Variants in PEX5L observed in about 807,000 individuals in gnomAD.
PEX5L encodes the protein peroxisomal biogenesis factor 5 like.
A neutral mutation model predicts 84.0 loss-of-function variants in PEX5L; 30 were observed. The observed-to-expected ratio is 0.36, with a 90% confidence interval of 0.27 to 0.48. The LOEUF (loss-of-function observed/expected upper bound fraction) is 0.48. PEX5L is among the 20% of genes least tolerant of loss of function. PEX5L has a pLI of 0.99. For synonymous variants in PEX5L, 270 were observed against 283.1 expected (o/e 0.95, Z 0.46); for missense variants, 533 against 754.6 (o/e 0.71, Z 3.44).
At chr3:180,014,401 G>T (rs911191993) in intron 1 of PEX5L, among the ~76,000 whole-genome samples, 11 of 152,038 alleles carry the variant, frequency 7.2e-5, no homozygotes, top group African/African-American at 2.4e-4. Context: ...GAACCCGGGA[G>T]GCGGAGCTTG....
chr3:179,903,097 A>C (rs950952473), intron 2 of PEX5L, among the ~76,000 whole-genome samples: 2 of 152,198 alleles, frequency 1.3e-5, no homozygotes, highest in Admixed American at 1.3e-4. Flanking sequence ...CAATTAAACA[A>C]TTTTTTAGGC....
chr3:179,812,147 T>A (rs973682563), intron 10 of PEX5L, among the ~76,000 whole-genome samples: 9 of 152,212 alleles, frequency 5.9e-5, no homozygotes, highest in Admixed American at 5.9e-4. Flanking sequence ...GAGATTTCGT[T>A]ATATTAGGTA....
Position 179,798,511 on chromosome 3 carries a change from C to T in PEX5L, c.*3317G>A, listed in dbSNP as rs1717898674. 1 of 152,188 alleles carries T rather than the reference C, an allele frequency of 6.6e-6. No homozygotes were observed. Among genetic ancestry groups the T allele is most frequent in the Admixed American group, 6.5e-5 (1 of 15,284 alleles). 9.4% of individuals were successfully genotyped at this position (152,188 alleles called of 1,614,324 possible). ...CTAGAAATGGTTATATTTTGAAACT[C>T]AGCAATAATCACTGGCTTTCTCTTT... On this transcript the variant is annotated 3_prime_UTR_variant, in exon 15 of 15. Transcript: ENST00000467460.
At chr3:179,881,940 A>G (rs1251894451) in intron 4 of PEX5L, among the ~76,000 whole-genome samples, 1 of 152,132 alleles carries the variant, frequency 6.6e-6, no homozygotes, top group East Asian at 1.9e-4. Context: ...AAGAAGTGAC[A>G]TTCAGAACTA....
At chr3:179,867,424 T>C (rs537179842) in intron 7 of PEX5L, among the ~76,000 whole-genome samples, 14 of 152,260 alleles carry the variant, frequency 9.2e-5, no homozygotes, top group African/African-American at 3.1e-4. Context: ...TTTCCTACTG[T>C]GCTGGAAGTG....
intron 2 of PEX5L, among the ~76,000 whole-genome samples, chr3:179,957,141 C>T (rs1395526391): frequency 1.6e-5 from 2 of 123,728 alleles, no homozygotes; most frequent in East Asian, 4.9e-4. Context: ...ATTGAATGCA[C>T]ACCGACTGCG....
At chr3:179,948,915 A>T (rs1239901677) in intron 2 of PEX5L, among the ~76,000 whole-genome samples, 1 of 152,248 alleles carries the variant, frequency 6.6e-6, no homozygotes, top group Non-Finnish European at 1.5e-5. Context: ...TTTAAACACA[A>T]GCAATCAGTA....
intron 8 of PEX5L, among the ~76,000 whole-genome samples, chr3:179,848,179 A>G (rs888756093): frequency 9.9e-5 from 15 of 152,166 alleles, no homozygotes; most frequent in African/African-American, 3.4e-4. Flanking sequence ...TGATTGATTT[A>G]TACAGTGCAG....
intron 2 of PEX5L, among the ~76,000 whole-genome samples, chr3:179,939,757 C>A (rs1381696043): frequency 1.3e-5 from 2 of 152,148 alleles, no homozygotes; most frequent in African/African-American, 4.8e-5. Context: ...CACTCAGGCC[C>A]CCCCACTGAG....
intron 7 of PEX5L, among the ~76,000 whole-genome samples, chr3:179,861,676 G>A (rs1746189889): frequency 6.6e-6 from 1 of 152,200 alleles, no homozygotes; most frequent in South Asian, 2.1e-4. Flanking sequence ...CCTGACACAG[G>A]GAGGGTGACC....
chr3:179,818,952 C>T (rs955994156), intron 9 of PEX5L, among the ~76,000 whole-genome samples: 2 of 151,630 alleles, frequency 1.3e-5, no homozygotes, highest in African/African-American at 4.8e-5. Flanking sequence ...AAGTGATCCT[C>T]CCACCTCAGC....
intron 3 of PEX5L, among the ~76,000 whole-genome samples, chr3:179,889,647 G>T (rs1443348187): frequency 6.6e-6 from 1 of 152,030 alleles, no homozygotes; most frequent in African/African-American, 2.4e-5. Context: ...GGCCTCTTTT[G>T]GTATTAATCT....
Position 180,013,825 on chromosome 3 carries a change from T to C in PEX5L, c.21+22754A>G, listed in dbSNP as rs569570464. 2.0e-5 allele frequency among the ~76,000 whole-genome samples: 3 copies of C among 152,236 alleles called. No individual in the cohort carries two copies. The East Asian group carries it at 5.8e-4, about 29-fold the overall frequency. ...GAAGAAAATAATAATGATTGTATTA[T>C]GACTGATTTTTAACTTTTTTCTACC... On this transcript the variant is annotated intron_variant, in intron 1 of 14. Coordinates refer to ENST00000467460, the MANE Select transcript of PEX5L (RefSeq NM_016559.3).
chr3:179,884,104 C>A (rs911406630), intron 4 of PEX5L, among the ~76,000 whole-genome samples: 1 of 152,086 alleles, frequency 6.6e-6, no homozygotes, highest in South Asian at 2.1e-4. Context: ...ATATGAGAAA[C>A]TTGAGGCTTG....
At chr3:179,970,849 G>A (rs778186179) in intron 2 of PEX5L, among the ~76,000 whole-genome samples, 5 of 151,938 alleles carry the variant, frequency 3.3e-5, no homozygotes, top group South Asian at 4.2e-4. Context: ...CTTTTGCGTC[G>A]CTCTCAGATG....
chr3:179,810,688 T>C (rs555131659), intron 11 of PEX5L, among the ~76,000 whole-genome samples: 1 of 152,268 alleles, frequency 6.6e-6, no homozygotes, highest in African/African-American at 2.4e-5. Context: ...CACTCTGTGG[T>C]GGGCCTAATC....
Position 179,880,013 on chromosome 3 carries a change from C to A in PEX5L, c.421G>T (p.Ala141Ser). Reference sequence around the variant, plus strand: ...GTGCTGATGAGGTCAGATCCATCGGCCTTTTTCTTGAGGGATGAGGTTTTT... The same window carrying A: ...GTGCTGATGAGGTCAGATCCATCGGACTTTTTCTTGAGGGATGAGGTTTTT... ...SSKTSSLKKK[A>S]DGSDLISTDA... is the part of the protein sequence containing the mutation. Residue 141 changes from alanine (A) to serine (S), a missense_variant, in exon 5 of 15, where the codon GCC (alanine) becomes TCC (serine). This residue lies in a region of PEX5L where 259 missense variants were observed against 301.7 expected (regional missense o/e 0.86). Coordinates refer to ENST00000467460, the MANE Select transcript of PEX5L (RefSeq NM_016559.3). 1 of 1,614,050 alleles carries A rather than the reference C, an allele frequency of 6.2e-7. No homozygotes were observed. The highest frequency in any genetic ancestry group is 1.1e-5 in the South Asian group (1 of 91,084).
At chr3:179,902,806 T>C (rs2109048384) in intron 2 of PEX5L, 1 of 377,084 alleles carries the variant, frequency 2.7e-6, no homozygotes, top group African/African-American at 2.1e-5. Flanking sequence ...TTTAAAACTC[T>C]CAACAATTAT....
intron 2 of PEX5L, among the ~76,000 whole-genome samples, chr3:179,961,595 G>A (rs999131300): frequency 1.3e-5 from 2 of 152,060 alleles, no homozygotes; most frequent in Non-Finnish European, 2.9e-5. Flanking sequence ...AGAGAAAAAG[G>A]GAACTTTACT....
Sources: allele counts gnomAD v4.1 joint callset (sites outside exome capture counted in the v4.1 genomes callset), GRCh38; gene constraint gnomAD v4.1.1; regional missense constraint gnomAD v4.1.1; transcripts MANE v1.5; gene names NCBI Gene and HGNC (gene_info 2026-07-23, HGNC 2026-07-21).